The following MAP7 variants were observed in gnomAD, a reference collection of about 807,000 sequenced individuals.
MAP7 encodes ensconsin.
MAP7 carries 52 observed loss-of-function variants against 94.8 expected under a neutral mutation model. That is an observed-to-expected ratio of 0.55 (90% CI 0.44 to 0.69). The LOEUF is 0.69. MAP7 is among the 30% of genes least tolerant of loss of function. The probability of loss-of-function intolerance (pLI) is 0.00; values close to 1 mark genes in which losing one functional copy is unlikely to be tolerated. For missense variants in MAP7, 940 were observed against 964.6 expected, an observed-to-expected ratio of 0.97 and a Z score of 0.34; for synonymous variants, 350 against 357.0, an observed-to-expected ratio of 0.98 and a Z score of 0.22.
chr6:136,400,919 G>A (rs938718669), intron 3 of MAP7, among the ~76,000 whole-genome samples: 2 of 152,124 alleles, frequency 1.3e-5, no homozygotes, highest in Admixed American at 1.3e-4. Context: ...TTTGTCTTCC[G>A]TATTCTGATA....
rs1792545419 is a variant in MAP7 at position 136,361,009 on chromosome 6, C to T, written c.1697G>A (p.Arg566Lys). The change falls in exon 12 of 18, where the codon AGG becomes AAG. Residue 566 changes from arginine to lysine, a missense_variant. Transcript: ENST00000354570. ...REREEAERAQ[R>K]QKEEEARVRE... ...CAGGGTGGGGTGCGGCCGCACCTGC[C>T]TCTGGGCGCGCTCTGCCTCCTCCCG... The T allele has an allele frequency of 1.3e-6, 2 of 1,568,850 alleles. No homozygotes were observed. The highest frequency in any genetic ancestry group is 4.6e-5 in the East Asian group (2 of 43,442).
In MAP7 at chr6:136,362,474, C is replaced by T; in HGVS notation, c.1502G>A (p.Arg501Lys). 6.2e-7 allele frequency: 1 copy of T among 1,614,160 alleles called. No individual in the cohort carries two copies. The highest frequency in any genetic ancestry group is 8.5e-7 in the Non-Finnish European group (1 of 1,180,024). Residue 501 changes from arginine (R) to lysine (K), a missense_variant, in exon 11 of 18, where the codon AGG (arginine) becomes AAG (lysine). Physicochemically the swap from Arg to Lys is conservative, Grantham distance 26. Transcript: ENST00000354570. ...CCTTTCAAGCTCTTCCTGCTCCCTC[C>T]TCTCCCTTTCTTCCTTTTCTCTCTG... ...REQREKEERE[R>K]REQEELERQK...
At chr6:136,356,654 G>C in intron 16 of MAP7, 38 bp downstream of exon 16, 1 of 1,503,068 alleles carries the variant, frequency 6.7e-7, no homozygotes, top group Non-Finnish European at 9.3e-7. Context: ...GGTAAAAACA[G>C]TAATGTTTTA....
At chr6:136,447,015 A>T (rs184496552) in intron 1 of MAP7, among the ~76,000 whole-genome samples, 343 of 152,330 alleles carry the variant, frequency 2.3e-3, no homozygotes, top group African/African-American at 8.0e-3. Flanking sequence ...CCCTGACATC[A>T]TAAGTCCATG....
intron 1 of MAP7, among the ~76,000 whole-genome samples, chr6:136,542,926 G>A (rs1829445097): frequency 6.6e-6 from 1 of 152,160 alleles, no homozygotes; most frequent in Non-Finnish European, 1.5e-5. Flanking sequence ...TTGGTGGAAT[G>A]GCTAAAGTTT....
At chr6:136,394,641 T>C (rs1781784144) in intron 3 of MAP7, among the ~76,000 whole-genome samples, 1 of 151,820 alleles carries the variant, frequency 6.6e-6, no homozygotes, top group Non-Finnish European at 1.5e-5. Flanking sequence ...ACAGTCATCC[T>C]ATTGTGCTAT....
chr6:136,545,319 A>G (rs1829645446), intron 1 of MAP7: 1 of 133,032 alleles, frequency 7.5e-6, no homozygotes, highest in East Asian at 2.3e-4. Context: ...GCAGTAAAAG[A>G]AAAAAAAAAA....
At chr6:136,500,580 T>C (rs1356747754) in intron 1 of MAP7, among the ~76,000 whole-genome samples, 1 of 152,226 alleles carries the variant, frequency 6.6e-6, no homozygotes, top group East Asian at 1.9e-4. Flanking sequence ...ATGTTAGACA[T>C]ACTATCGTCC....
chr6:136,352,223 T>C (rs947423603), intron 16 of MAP7, among the ~76,000 whole-genome samples: 1 of 150,788 alleles, frequency 6.6e-6, no homozygotes, highest in African/African-American at 2.4e-5. Context: ...GGTCCCACTC[T>C]GTTGCCCAGG....
rs1812301821 is a variant in MAP7, at chr6:136,480,248, ACTGTCT to A, written c.68-58455_68-58450del. ...GCCAAGAACATAAACTGGCAAAAGG[ACTGTCT>A]CTTCAATAAATGGTGCTGGGAAAAT... On this transcript the variant is annotated intron_variant, in intron 1 of 17. Coordinates refer to ENST00000354570, the MANE Select transcript of MAP7 (RefSeq NM_003980.6). Among the ~76,000 whole-genome samples, 4 of 152,340 alleles carry A rather than the reference ACTGTCT, an allele frequency of 2.6e-5. No homozygotes were observed. In the South Asian group the frequency reaches 8.3e-4, roughly 32 times the overall value.
At chr6:136,375,082 T>G (rs564492423) in intron 7 of MAP7, among the ~76,000 whole-genome samples, 13 of 152,274 alleles carry the variant, frequency 8.5e-5, no homozygotes, top group African/African-American at 2.9e-4. Flanking sequence ...TCGTTCAGGA[T>G]TTTCTATACG....
chr6:136,477,703 C>G (rs767226810), intron 1 of MAP7, among the ~76,000 whole-genome samples: 1 of 152,170 alleles, frequency 6.6e-6, no homozygotes, highest in African/African-American at 2.4e-5. Flanking sequence ...GACACCATTA[C>G]AGTAATAGCT....
At chr6:136,448,643 G>A (rs753846741) in intron 1 of MAP7, among the ~76,000 whole-genome samples, 2 of 151,896 alleles carry the variant, frequency 1.3e-5, no homozygotes, top group Admixed American at 1.3e-4. Flanking sequence ...TCGATCTCCT[G>A]ATCTCGTGAT....
At chr6:136,374,201 T>C (rs886619096) in intron 7 of MAP7, among the ~76,000 whole-genome samples, 6 of 152,246 alleles carry the variant, frequency 3.9e-5, no homozygotes, top group African/African-American at 1.4e-4. Flanking sequence ...CATAAAGCTT[T>C]ACTTCCAACC....
chr6:136,411,770 T>C lies in MAP7; in HGVS notation c.167-73A>G, dbSNP rs887322093. 21 of 1,173,738 alleles carry C rather than the reference T, an allele frequency of 1.8e-5. No individual in the cohort carries two copies. In the South Asian group the frequency reaches 2.5e-4, roughly 14 times the overall value. The allele number at this position is 1,173,738 out of a possible 1,614,324, so 72.7% of individuals were successfully genotyped here. Reference sequence around the variant, plus strand: ...AAAAAAGAAAAAGAAAAAACACACATTGATAAATATCCAGTAAATCTGAAG... The same window carrying C: ...AAAAAAGAAAAAGAAAAAACACACACTGATAAATATCCAGTAAATCTGAAG... On this transcript the variant is annotated intron_variant, in intron 2 of 17. Transcript: ENST00000354570.
chr6:136,535,935 C>T (rs1041385610), intron 1 of MAP7, among the ~76,000 whole-genome samples: 13 of 151,876 alleles, frequency 8.6e-5, no homozygotes, highest in Non-Finnish European at 1.5e-4. Context: ...TGTGATGTTC[C>T]CCTTCCCGTG....
intron 1 of MAP7, among the ~76,000 whole-genome samples, chr6:136,496,557 C>CA (rs1818280790): frequency 6.6e-6 from 1 of 151,974 alleles, no homozygotes; most frequent in African/African-American, 2.4e-5. Flanking sequence ...TAGTCCCCTA[C>CA]ATGTGAACAT....
In MAP7 at chr6:136,522,282, T is replaced by A. The variant is rs963831228; in HGVS notation, c.67+28060A>T. Among the ~76,000 whole-genome samples the A allele has an allele frequency of 2.3e-4, 35 of 152,036 alleles. 1 individual carries two copies. Among genetic ancestry groups the A allele is most frequent in the Admixed American group, 9.2e-4 (14 of 15,246 alleles). ...CCCAGTGATTATTTAATTACTGTGGTAATAACAGTCAGGTATGTAAAACAT... is the reference window on the plus strand; with the variant it reads ...CCCAGTGATTATTTAATTACTGTGGAAATAACAGTCAGGTATGTAAAACAT... On this transcript the variant is annotated intron_variant, in intron 1 of 17. Coordinates refer to ENST00000354570, the MANE Select transcript of MAP7 (RefSeq NM_003980.6).
intron 1 of MAP7, among the ~76,000 whole-genome samples, chr6:136,529,149 T>A (rs900817563): frequency 6.6e-6 from 1 of 152,200 alleles, no homozygotes; most frequent in African/African-American, 2.4e-5. Flanking sequence ...AGATGGAGTC[T>A]CGCTGTCGCC....
Sources: allele counts gnomAD v4.1 joint callset (sites outside exome capture counted in the v4.1 genomes callset), GRCh38; gene constraint gnomAD v4.1.1; transcripts MANE v1.5; gene names NCBI Gene and HGNC (gene_info 2026-07-23, HGNC 2026-07-21).